The following ATP11A variants were observed in gnomAD, a reference collection of about 807,000 sequenced individuals.
The protein encoded by ATP11A is ATPase phospholipid transporting 11A.
Under a neutral mutation model 154.4 loss-of-function variants are expected in ATP11A, and 81 were observed. That is an observed-to-expected ratio of 0.52 (90% CI 0.44 to 0.63). The LOEUF is 0.63. Among genes scored for constraint, ATP11A ranks in the 30% least tolerant of loss-of-function variants. ATP11A has a pLI of 0.00. For missense variants in ATP11A, 1,316 were observed against 1,474.3 expected, an observed-to-expected ratio of 0.89 and a Z score of 1.76; for synonymous variants, 623 against 585.9, an observed-to-expected ratio of 1.06 and a Z score of -0.91.
chr13:112,770,923 A>G (rs998408977), intron 1 of ATP11A, among the ~76,000 whole-genome samples: 3 of 152,226 alleles, frequency 2.0e-5, no homozygotes, highest in Admixed American at 6.5e-5. Flanking sequence ...GGATACCTGT[A>G]CATTTGAATA....
chr13:112,880,110 G>A (rs1431601851), intron 29 of ATP11A, among the ~76,000 whole-genome samples: 1 of 152,196 alleles, frequency 6.6e-6, no homozygotes, highest in African/African-American at 2.4e-5. Flanking sequence ...AGATCTCAGT[G>A]GAGTTCTGTG....
chr13:112,714,090 T>A (rs1425137451), intron 1 of ATP11A, among the ~76,000 whole-genome samples: 1 of 141,356 alleles, frequency 7.1e-6, no homozygotes, highest in Non-Finnish European at 1.6e-5. Flanking sequence ...CGACCCCTGG[T>A]CCCAGCCTCC....
chr13:112,869,803 C>T (rs542359480), intron 25 of ATP11A, among the ~76,000 whole-genome samples: 2 of 152,354 alleles, frequency 1.3e-5, no homozygotes, highest in African/African-American at 2.4e-5. Context: ...AGGCTGCTGC[C>T]AAGCCACAGC....
At chr13:112,879,080 G>A (rs1178019786) in intron 29 of ATP11A, among the ~76,000 whole-genome samples, 4 of 152,240 alleles carry the variant, frequency 2.6e-5, no homozygotes, top group Admixed American at 1.3e-4. Context: ...GGGCCTGCAC[G>A]CCGTCCTGAA....
chr13:112,837,377 A>T (rs2079265029), intron 16 of ATP11A, among the ~76,000 whole-genome samples: 1 of 152,198 alleles, frequency 6.6e-6, no homozygotes, highest in Non-Finnish European at 1.5e-5. Context: ...CCTCAGCCCC[A>T]TAGCAGCGTG....
rs972323046 is a variant in ATP11A, at chr13:112,842,200, A to T, written c.1706-76A>T. The T allele has an allele frequency of 7.3e-5, 89 of 1,226,982 alleles. No individual in the cohort carries two copies. In the Admixed American group the frequency reaches 8.2e-4, roughly 11 times the overall value. 76.0% of individuals were successfully genotyped at this position (1,226,982 alleles called of 1,614,324 possible). ...TGCTATCCCTGTTTTTTGTTTTTTA[A>T]TAATGGCATAATTTTAAAAAATAAT... On this transcript the variant is annotated intron_variant, in intron 16 of 29. Coordinates refer to ENST00000375645, the MANE Select transcript of ATP11A (RefSeq NM_015205.3).
intron 4 of ATP11A, among the ~76,000 whole-genome samples, chr13:112,809,421 C>T (rs972588354): frequency 6.6e-6 from 1 of 152,176 alleles, no homozygotes; most frequent in Non-Finnish European, 1.5e-5. Flanking sequence ...GTCACAGGGC[C>T]ACTGATGCCG....
chr13:112,764,269 C>T (rs770985717), intron 1 of ATP11A, among the ~76,000 whole-genome samples: 14 of 152,314 alleles, frequency 9.2e-5, no homozygotes, highest in African/African-American at 2.4e-4. Context: ...TGCGGGGCCC[C>T]GGCCTGTTCC....
chr13:112,862,399 G>C, intron 24 of ATP11A, 41 bp from the exon 25 acceptor site: 1 of 1,609,190 alleles, frequency 6.2e-7, no homozygotes, highest in East Asian at 2.2e-5. Flanking sequence ...GCCGGGCCCT[G>C]ATTCTCGAGG....
chr13:112,837,457 G>A (rs1312356476), intron 16 of ATP11A, among the ~76,000 whole-genome samples: 5 of 152,206 alleles, frequency 3.3e-5, no homozygotes, highest in African/African-American at 2.4e-5. Context: ...CATCCCGAAC[G>A]CAGAACCGAT....
Position 112,816,176 on chromosome 13 carries a change from A to T in ATP11A, c.535A>T (p.Thr179Ser). 6.2e-7 allele frequency: 1 copy of T among 1,614,148 alleles called. No homozygotes were observed. The highest frequency in any genetic ancestry group is 8.5e-7 in the Non-Finnish European group (1 of 1,180,024). The change falls in exon 6 of 30, where the codon ACC becomes TCC. Residue 179 changes from threonine (T) to serine (S), a missense_variant. By Grantham distance (58) the Thr-to-Ser change is moderately conservative. Coordinates refer to ENST00000375645, the MANE Select transcript of ATP11A (RefSeq NM_015205.3). ...SNRGDGTCHV[T>S]TASLDGESSH... ...CCGGGGAGATGGGACGTGCCACGTCACCACCGCCAGCTTGGATGGAGAATC... is the reference window on the plus strand; with the variant it reads ...CCGGGGAGATGGGACGTGCCACGTCTCCACCGCCAGCTTGGATGGAGAATC...
chr13:112,860,517 A>G (rs901590454), intron 24 of ATP11A, 103 bp downstream of exon 24: 2 of 1,393,228 alleles, frequency 1.4e-6, no homozygotes, highest in African/African-American at 1.4e-5. Flanking sequence ...GTTGAGGGCC[A>G]GAAGCATTCG....
At chr13:112,800,993 C>T (rs2078118426) in intron 2 of ATP11A, among the ~76,000 whole-genome samples, 1 of 152,188 alleles carries the variant, frequency 6.6e-6, no homozygotes, top group South Asian at 2.1e-4. Context: ...ATTTCCTGAG[C>T]TTCATAAAGA....
chr13:112,826,169 C>T (rs1306512546), intron 11 of ATP11A, among the ~76,000 whole-genome samples: 1 of 152,226 alleles, frequency 6.6e-6, no homozygotes, highest in East Asian at 1.9e-4. Flanking sequence ...TGGAGCAGGG[C>T]CGTGTGCAAA....
Position 112,864,926 on chromosome 13 carries a change from G to A in ATP11A, c.2991+2351G>A, listed in dbSNP as rs1202572613. Among the ~76,000 whole-genome samples, 251 of 60,956 alleles carry A rather than the reference G, an allele frequency of 4.1e-3. 16 individuals are homozygous for A. The highest frequency in any genetic ancestry group is 0.029 in the Middle Eastern group (2 of 70). The allele number at this position is 60,956 out of a possible 152,430, so 40.0% of individuals were successfully genotyped here. On this transcript the variant is annotated intron_variant, in intron 25 of 29. Coordinates refer to ENST00000375645, the MANE Select transcript of ATP11A (RefSeq NM_015205.3). ...AGCGGGGTCCATCACCACCTGCGCA[G>A]TAATTCAGTGCGGCCCATGCAGCTT... is the stretch of plus-strand genomic sequence containing the variant.
Position 112,777,559 on chromosome 13 carries a change from C to T in ATP11A, c.40-7576C>T, listed in dbSNP as rs565055688. Among the ~76,000 whole-genome samples the T allele has an allele frequency of 1.2e-3, 190 of 152,262 alleles. No individual in the cohort carries two copies. In the East Asian group the frequency reaches 0.013, roughly 10 times the overall value. ...AGCCTGGGGGACAAGAGCAAGACTT[C>T]GTCTCAAAAAATATATATAATAACA... On this transcript the variant is annotated intron_variant, in intron 1 of 29. Coordinates refer to ENST00000375645, the MANE Select transcript of ATP11A (RefSeq NM_015205.3).
chr13:112,868,295 G>A (rs1320525400), intron 25 of ATP11A, among the ~76,000 whole-genome samples: 3 of 152,218 alleles, frequency 2.0e-5, no homozygotes, highest in East Asian at 1.9e-4. Context: ...ACTCATGACC[G>A]TGACCTTGAG....
In ATP11A at chr13:112,805,984, C is replaced by G. The variant is rs143348010; in HGVS notation, c.253-229C>G. On this transcript the variant is annotated intron_variant, in intron 3 of 29. Coordinates refer to ENST00000375645, the MANE Select transcript of ATP11A (RefSeq NM_015205.3). Reference sequence around the variant, plus strand: ...GACTTCAGACTGGGTCTGCCACTCTCGGTGGTTTCCTTGAGCATGTTCCTT... The same window carrying G: ...GACTTCAGACTGGGTCTGCCACTCTGGGTGGTTTCCTTGAGCATGTTCCTT... 7.2e-3 allele frequency among the ~76,000 whole-genome samples: 1,088 copies of G among 152,114 alleles called. 18 individuals are homozygous for G. The highest frequency in any genetic ancestry group is 0.024 in the African/African-American group (1,007 of 41,482).
chr13:112,759,660 A>G (rs1425292678), intron 1 of ATP11A, among the ~76,000 whole-genome samples: 5 of 152,206 alleles, frequency 3.3e-5, no homozygotes, highest in African/African-American at 1.2e-4. Flanking sequence ...TTACTGTGTA[A>G]AGGATGTTTC....
Sources: gnomAD v4.1 joint callset for allele counts (sites outside exome capture counted in the v4.1 genomes callset) on GRCh38, gnomAD v4.1.1 for gene constraint, MANE v1.5 for transcripts, NCBI Gene and HGNC (gene_info 2026-07-23, HGNC 2026-07-21) for gene names.